The following SLIT2 variants were observed in gnomAD, a reference collection of about 807,000 sequenced individuals.
SLIT2 encodes slit guidance ligand 2.
A neutral mutation model predicts 185.7 loss-of-function variants in SLIT2; 41 were observed. The ratio of observed to expected loss-of-function variants is 0.22; its 90% confidence interval spans 0.17 to 0.29. The LOEUF is 0.29. Among genes scored for constraint, SLIT2 ranks in the 10% least tolerant of loss-of-function variants. SLIT2 has a pLI of 1.00. For missense variants in SLIT2, 1,571 were observed against 1,909.0 expected, an observed-to-expected ratio of 0.82 and a Z score of 3.30; for synonymous variants, 693 against 680.2, an observed-to-expected ratio of 1.02 and a Z score of -0.29.
intron 22 of SLIT2, among the ~76,000 whole-genome samples, chr4:20,548,279 A>T (rs1398260793): frequency 1.3e-5 from 2 of 151,906 alleles, no homozygotes; most frequent in East Asian, 3.9e-4. Flanking sequence ...ATATATAATC[A>T]CTCCTAATTT....
chr4:20,463,215 A>C (rs979665363), intron 4 of SLIT2, among the ~76,000 whole-genome samples: 1 of 151,640 alleles, frequency 6.6e-6, no homozygotes, highest in African/African-American at 2.4e-5. Flanking sequence ...CCCTCCTTCA[A>C]TTCCTGCCAC....
At chr4:20,549,740 T>A (rs1723574692) in intron 24 of SLIT2, among the ~76,000 whole-genome samples, 1 of 151,534 alleles carries the variant, frequency 6.6e-6, no homozygotes, top group Non-Finnish European at 1.5e-5. Flanking sequence ...ATCATATATA[T>A]GAATAAAAAT....
At chr4:20,439,594 A>T (rs1473077337) in intron 4 of SLIT2, among the ~76,000 whole-genome samples, 1 of 152,164 alleles carries the variant, frequency 6.6e-6, no homozygotes, top group Non-Finnish European at 1.5e-5. Flanking sequence ...CCTTGTTTTG[A>T]CTTGATTACT....
At chr4:20,349,233 A>T (rs1375790928) in intron 4 of SLIT2, among the ~76,000 whole-genome samples, 2 of 152,224 alleles carry the variant, frequency 1.3e-5, no homozygotes, top group Admixed American at 1.3e-4. Context: ...GTTAGTTCCA[A>T]ATGATGTAAG....
At chr4:20,578,056 C>A (rs952840827) in intron 29 of SLIT2, among the ~76,000 whole-genome samples, 1 of 152,194 alleles carries the variant, frequency 6.6e-6, no homozygotes, top group Non-Finnish European at 1.5e-5. Flanking sequence ...CATCTCAGAA[C>A]ACAAATCTGC....
At chr4:20,521,274 C>T (rs191442955) in intron 12 of SLIT2, among the ~76,000 whole-genome samples, 14 of 152,328 alleles carry the variant, frequency 9.2e-5, no homozygotes, top group Non-Finnish European at 1.9e-4. Flanking sequence ...CACTAAGGCT[C>T]ATTCTTAAGC....
intron 11 of SLIT2, among the ~76,000 whole-genome samples, chr4:20,513,140 G>A (rs781682650): frequency 2.0e-5 from 3 of 152,116 alleles, no homozygotes; most frequent in East Asian, 1.9e-4. Context: ...GAGCACTCAC[G>A]CACACAGTTG....
At chr4:20,424,656 GTCAC>G (rs1317764028) in intron 4 of SLIT2, among the ~76,000 whole-genome samples, 1 of 152,032 alleles carries the variant, frequency 6.6e-6, no homozygotes, top group Non-Finnish European at 1.5e-5. Context: ...TGCCAAGTGT[GTCAC>G]TAAGAAACAA....
intron 25 of SLIT2, 23 bp downstream of exon 25, chr4:20,550,921 T>G (rs202125161): frequency 1.3e-5 from 18 of 1,428,404 alleles, no homozygotes; most frequent in Non-Finnish European, 1.7e-5. Context: ...TTTATGAATA[T>G]AGGTTTAGGG....
At chr4:20,514,579 A>G (rs1352123266) in intron 11 of SLIT2, among the ~76,000 whole-genome samples, 1 of 152,148 alleles carries the variant, frequency 6.6e-6, no homozygotes, top group African/African-American at 2.4e-5. Context: ...CGGGAGACGA[A>G]TGTTGTAGTG....
At chr4:20,593,202 T>A (rs1484708474) in intron 30 of SLIT2, among the ~76,000 whole-genome samples, 1 of 152,152 alleles carries the variant, frequency 6.6e-6, no homozygotes, top group African/African-American at 2.4e-5. Context: ...TTATAGAACG[T>A]GCATTATATA....
chr4:20,425,725 A>G (rs1728510312), intron 4 of SLIT2, among the ~76,000 whole-genome samples: 1 of 152,198 alleles, frequency 6.6e-6, no homozygotes. Flanking sequence ...GAAATGCTTT[A>G]GTCTTTCAAA....
intron 4 of SLIT2, among the ~76,000 whole-genome samples, chr4:20,289,924 G>A (rs935535629): frequency 2.0e-5 from 3 of 152,138 alleles, no homozygotes; most frequent in African/African-American, 7.2e-5. Context: ...GCTTCATCTT[G>A]CTTTCTTCAC....
intron 4 of SLIT2, among the ~76,000 whole-genome samples, chr4:20,336,616 C>T (rs761573543): frequency 2.6e-5 from 4 of 151,954 alleles, no homozygotes; most frequent in Non-Finnish European, 5.9e-5. Context: ...ACCAACATGG[C>T]ACATGTATAC....
At position 20,550,896 on chromosome 4, in the gene SLIT2, T is replaced by A; in HGVS notation, c.2559T>A (p.His853Gln). ...TCAATGATCTTTCTGCATTATCACA[T>A]CTGTGAGTACCTAGTTTATGAATAT... ...GAFNDLSALS[H>Q]LAIGANPLYC... is the part of the protein sequence containing the mutation. The change falls in exon 25 of 37, where the codon CAT becomes CAA. Residue 853 changes from histidine to glutamine, a missense_variant and splice_region_variant. Coordinates refer to ENST00000504154, the MANE Select transcript of SLIT2 (RefSeq NM_004787.4). 6.4e-7 allele frequency: 1 copy of A among 1,574,608 alleles called. No homozygotes were observed. The highest frequency in any genetic ancestry group is 1.1e-5 in the South Asian group (1 of 90,068).
At chr4:20,590,340 G>A (rs984023282) in intron 30 of SLIT2, among the ~76,000 whole-genome samples, 16 of 152,156 alleles carry the variant, frequency 1.1e-4, no homozygotes, top group East Asian at 3.8e-4. Context: ...AGGCCCAACC[G>A]GTGACATTTG....
intron 4 of SLIT2, among the ~76,000 whole-genome samples, chr4:20,410,835 AGCTG>A (rs1727196062): frequency 6.6e-6 from 1 of 152,048 alleles, no homozygotes; most frequent in Non-Finnish European, 1.5e-5. Context: ...TATAATTTGA[AGCTG>A]GGTAGTGTGA....
chr4:20,561,592 T>C (rs1202658244), intron 26 of SLIT2, among the ~76,000 whole-genome samples: 1 of 151,710 alleles, frequency 6.6e-6, no homozygotes, highest in African/African-American at 2.4e-5. Context: ...AAGCATTATT[T>C]AGAATAATAA....
At position 20,548,540 on chromosome 4, in the gene SLIT2, A is replaced by T. The variant is rs1270174482; in HGVS notation, c.2398A>T (p.Met800Leu). 5.6e-6 allele frequency: 9 copies of T among 1,605,582 alleles called. No homozygotes were observed. The highest frequency in any genetic ancestry group is 2.2e-5 in the East Asian group (1 of 44,816). Residue 800 changes from methionine to leucine, a missense_variant, in exon 23 of 37, where the codon ATG becomes TTG. By Grantham distance (15) the Met-to-Leu change is conservative. Coordinates refer to ENST00000504154, the MANE Select transcript of SLIT2 (RefSeq NM_004787.4). ...STLSNQSFSN[M>L]TQLLTLILSY... Reference sequence around the variant, plus strand: ...GCTTTCTAATCAGAGCTTCAGCAACATGACCCAGCTCCTCACCTTGTGAGT... The same window carrying T: ...GCTTTCTAATCAGAGCTTCAGCAACTTGACCCAGCTCCTCACCTTGTGAGT...
Sources: gnomAD v4.1 joint callset for allele counts (sites outside exome capture counted in the v4.1 genomes callset) on GRCh38, gnomAD v4.1.1 for gene constraint, MANE v1.5 for transcripts, NCBI Gene and HGNC (gene_info 2026-07-23, HGNC 2026-07-21) for gene names.